The following HPSE2 variants were observed in gnomAD, a reference collection of about 807,000 sequenced individuals.
HPSE2 encodes inactive heparanase-2.
HPSE2 carries 38 observed loss-of-function variants against 60.5 expected under a neutral mutation model. That is an observed-to-expected ratio of 0.63 (90% CI 0.48 to 0.82). The LOEUF is 0.82. Ranked by LOEUF, HPSE2 falls within the 40% of genes least tolerant of loss-of-function variation. The probability of loss-of-function intolerance (pLI) is 0.00; values close to 1 mark genes in which losing one functional copy is unlikely to be tolerated. For synonymous variants in HPSE2, 295 were observed against 293.2 expected, an observed-to-expected ratio of 1.01 and a Z score of -0.06; for missense variants, 713 against 740.4, an observed-to-expected ratio of 0.96 and a Z score of 0.43.
intron 3 of HPSE2, among the ~76,000 whole-genome samples, chr10:99,050,952 CGTGT>C (rs147438459): frequency 4.0e-5 from 6 of 149,500 alleles, no homozygotes; most frequent in African/African-American, 1.5e-4. Context: ...TTGATTCAAT[CGTGT>C]GTGTGTGTGT....
chr10:98,937,230 G>A, intron 3 of HPSE2, among the ~76,000 whole-genome samples: 1 of 143,724 alleles, frequency 7.0e-6, no homozygotes. Flanking sequence ...GCCAGACAGT[G>A]GGCGCAGGAC....
At chr10:98,878,558 T>C (rs1045473084) in intron 3 of HPSE2, among the ~76,000 whole-genome samples, 1 of 151,974 alleles carries the variant, frequency 6.6e-6, no homozygotes. Context: ...GTTGAAGAGA[T>C]CCTAGTGTAT....
intron 7 of HPSE2, among the ~76,000 whole-genome samples, chr10:98,626,037 A>C (rs1197826002): frequency 6.7e-6 from 1 of 149,462 alleles, no homozygotes; most frequent in Non-Finnish European, 1.5e-5. Context: ...ACCTGGGAGG[A>C]GGAGCTTGCA....
intron 9 of HPSE2, among the ~76,000 whole-genome samples, chr10:98,601,635 C>G (rs1338137778): frequency 6.6e-6 from 1 of 152,240 alleles, no homozygotes; most frequent in Non-Finnish European, 1.5e-5. Context: ...CACAGCATGA[C>G]TACCATATAA....
chr10:98,761,281 G>T (rs1949998838), intron 3 of HPSE2, among the ~76,000 whole-genome samples: 1 of 151,996 alleles, frequency 6.6e-6, no homozygotes. Context: ...CCGTAGAAAA[G>T]ATCAAGGAAG....
chr10:98,937,604 C>A (rs1954843822), intron 3 of HPSE2, among the ~76,000 whole-genome samples: 1 of 143,778 alleles, frequency 7.0e-6, no homozygotes, highest in South Asian at 2.1e-4. Flanking sequence ...TGGGTGGAGC[C>A]CACCACAGCT....
chr10:99,290,638 A>C, the HPSE2 span, among the ~76,000 whole-genome samples: 1 of 152,164 alleles, frequency 6.6e-6, no homozygotes, highest in African/African-American at 2.4e-5. Context: ...CTATTGGCCC[A>C]TAGTGGGTTG....
intron 2 of HPSE2, among the ~76,000 whole-genome samples, chr10:99,190,092 T>C (rs776169346): frequency 2.6e-5 from 4 of 152,262 alleles, no homozygotes; most frequent in Non-Finnish European, 5.9e-5. Flanking sequence ...GGGGCAACCA[T>C]GTAGTGACTT....
At chr10:98,669,766 C>A (rs2134108235) in intron 6 of HPSE2, among the ~76,000 whole-genome samples, 2 of 152,204 alleles carry the variant, frequency 1.3e-5, no homozygotes, top group East Asian at 3.9e-4. Context: ...GATGAAAAAC[C>A]ATCTGTTGGG....
chr10:98,598,967 G>C (rs1037090065), intron 9 of HPSE2, among the ~76,000 whole-genome samples: 8 of 152,014 alleles, frequency 5.3e-5, no homozygotes, highest in Non-Finnish European at 1.2e-4. Context: ...AGGTCTGTGA[G>C]GGGTGACCTG....
upstream of HPSE2, among the ~76,000 whole-genome samples, chr10:99,236,647 A>C (rs1204486274): frequency 6.6e-6 from 1 of 152,196 alleles, no homozygotes; most frequent in Admixed American, 6.5e-5. Flanking sequence ...AGTAGCAAGA[A>C]GGAAAAACAT....
intron 3 of HPSE2, among the ~76,000 whole-genome samples, chr10:99,009,435 A>G (rs1484692835): frequency 6.6e-6 from 1 of 151,894 alleles, no homozygotes; most frequent in Non-Finnish European, 1.5e-5. Flanking sequence ...ACAAACAAAC[A>G]AACAAAAAGC....
chr10:98,581,020 A>G (rs1944783788), intron 9 of HPSE2, among the ~76,000 whole-genome samples: 1 of 150,876 alleles, frequency 6.6e-6, no homozygotes, highest in Non-Finnish European at 1.5e-5. Context: ...AGCTCACTGC[A>G]ACCTCTGCCT....
At chr10:98,602,656 C>T (rs1945460579) in intron 9 of HPSE2, among the ~76,000 whole-genome samples, 1 of 152,078 alleles carries the variant, frequency 6.6e-6, no homozygotes, top group African/African-American at 2.4e-5. Flanking sequence ...TAAACCCTTA[C>T]ATATGTGGTC....
chr10:98,756,748 A>G (rs1000874825), intron 3 of HPSE2, among the ~76,000 whole-genome samples: 3 of 152,168 alleles, frequency 2.0e-5, no homozygotes, highest in South Asian at 2.1e-4. Flanking sequence ...CACCAAACAT[A>G]TAAAGAAGAG....
chr10:98,796,576 C>A (rs1365020077), intron 3 of HPSE2, among the ~76,000 whole-genome samples: 2 of 152,198 alleles, frequency 1.3e-5, no homozygotes, highest in African/African-American at 4.8e-5. Flanking sequence ...CATCTCTGAA[C>A]CTGCCTGGGG....
At chr10:99,192,205 A>C (rs1401986340) in intron 2 of HPSE2, among the ~76,000 whole-genome samples, 1 of 152,178 alleles carries the variant, frequency 6.6e-6, no homozygotes, top group Non-Finnish European at 1.5e-5. Context: ...ATATCAGAAA[A>C]CATCCCAAAC....
intron 11 of HPSE2, among the ~76,000 whole-genome samples, chr10:98,478,814 C>T (rs993883185): frequency 2.0e-5 from 3 of 152,180 alleles, no homozygotes; most frequent in African/African-American, 7.2e-5. Flanking sequence ...TTTGTACACA[C>T]TGCAATTTTC....
At chr10:98,774,466 A>G (rs924987567) in intron 3 of HPSE2, among the ~76,000 whole-genome samples, 4 of 152,118 alleles carry the variant, frequency 2.6e-5, no homozygotes, top group African/African-American at 9.7e-5. Flanking sequence ...ACTTGACTGT[A>G]TTGTTAGTGT....
Sources: allele counts gnomAD v4.1 joint callset (sites outside exome capture counted in the v4.1 genomes callset), GRCh38; gene constraint gnomAD v4.1.1; transcripts MANE v1.5; gene names NCBI Gene and HGNC (gene_info 2026-07-23, HGNC 2026-07-21).